The following UVSSA variants were observed in gnomAD, a reference collection of about 807,000 sequenced individuals.
UVSSA encodes UV-stimulated scaffold protein A.
Under a neutral mutation model 73.9 loss-of-function variants are expected in UVSSA, and 72 were observed. The ratio of observed to expected loss-of-function variants is 0.97; its 90% CI spans 0.81 to 1.19. The LOEUF (loss-of-function observed/expected upper bound fraction) is 1.19, where lower values mean the gene tolerates loss of function less well. UVSSA is among the 50% of genes most tolerant of loss of function. The probability of loss-of-function intolerance (pLI) is 0.00; values close to 1 mark genes in which losing one functional copy is unlikely to be tolerated. For missense variants in UVSSA, 1,150 were observed against 965.0 expected (o/e 1.19, Z -2.54); for synonymous variants, 454 against 391.3 (o/e 1.16, Z -1.89).
exon 14 of UVSSA, chr4:1,395,820 T>C (rs890772672): frequency 6.2e-7 from 1 of 1,613,884 alleles, no homozygotes; most frequent in Non-Finnish European, 8.5e-7. Flanking sequence ...CAAGGATCCC[T>C]TTTATATTTC....
In UVSSA at chr4:1,387,978, A is replaced by G. The variant is rs1720268245; in HGVS notation, c.*2017A>G. ...AAAAAAAGCAGCTGAGATTTTTGAT[A>G]GGAATTACATTAAATCTAGAGATTG... On this transcript the variant is annotated 3_prime_UTR_variant, in exon 14 of 14. Coordinates refer to ENST00000389851, the MANE Select transcript of UVSSA (RefSeq NM_020894.4). 6.6e-6 allele frequency: 1 copy of G among 150,578 alleles called. No homozygotes were observed. 9.3% of individuals were successfully genotyped at this position (150,578 alleles called of 1,614,324 possible).
intron 7 of UVSSA, among the ~76,000 whole-genome samples, chr4:1,360,561 G>A (rs973377043): frequency 2.0e-5 from 3 of 152,180 alleles, no homozygotes; most frequent in Non-Finnish European, 4.4e-5. Context: ...TGCTATGGCC[G>A]CGCCCAGAGG....
rs372865970 is a variant in UVSSA at position 1,377,598 on chromosome 4, G to A, written c.1568+1430G>A. Among the ~76,000 whole-genome samples, 554 of 152,270 alleles carry A rather than the reference G, an allele frequency of 3.6e-3. 3 individuals are homozygous for A. The highest frequency in any genetic ancestry group is 0.011 in the African/African-American group (440 of 41,566). ...CCCAGCAAAGCTCCCACCGAGAAGC[G>A]GATGCCCGTCCCTCCTCCCACCTGC... On this transcript the variant is annotated intron_variant, in intron 10 of 13. Coordinates refer to ENST00000389851, the MANE Select transcript of UVSSA (RefSeq NM_020894.4).
At chr4:1,394,181 C>T (rs772867389) in exon 14 of UVSSA, 22 of 468,432 alleles carry the variant, frequency 4.7e-5, no homozygotes, top group Non-Finnish European at 7.3e-5. Context: ...CAGCTCTGTG[C>T]CTGTGTGGGC....
intron 8 of UVSSA, among the ~76,000 whole-genome samples, chr4:1,369,253 C>T (rs1245087564): frequency 2.0e-5 from 3 of 152,210 alleles, no homozygotes; most frequent in Non-Finnish European, 2.9e-5. Flanking sequence ...CAGCCCCAGG[C>T]GAGGGCTGGA....
intron 7 of UVSSA, among the ~76,000 whole-genome samples, chr4:1,364,698 A>G (rs1228257956): frequency 6.6e-6 from 1 of 152,104 alleles, no homozygotes; most frequent in Non-Finnish European, 1.5e-5. Context: ...CTGTGGGAAC[A>G]GGAATGCAGG....
At position 1,364,658 on chromosome 4, in the gene UVSSA, C is replaced by T. The variant is rs1486062170; in HGVS notation, c.1177-1662C>T. 2.0e-5 allele frequency among the ~76,000 whole-genome samples: 3 copies of T among 152,292 alleles called. No homozygotes were observed. In the East Asian group the frequency reaches 5.8e-4, roughly 29 times the overall value. On this transcript the variant is annotated intron_variant, in intron 7 of 13. Transcript: ENST00000389851. The stretch of plus-strand genomic sequence containing the variant: ...TGCTTGGTATTCCTCCAACAGGGAT[C>T]TCTCTCCCGGGAAGTTTCCCTCAGC...
exon 14 of UVSSA, chr4:1,394,321 G>A: frequency 9.6e-7 from 1 of 1,037,876 alleles, no homozygotes; most frequent in Non-Finnish European, 1.4e-6. Flanking sequence ...TAAGTTTTGT[G>A]TTCTACTTAG....
chr4:1,383,224 G>GC (rs1719708460), intron 12 of UVSSA, among the ~76,000 whole-genome samples: 1 of 152,228 alleles, frequency 6.6e-6, no homozygotes, highest in Non-Finnish European at 1.5e-5. Context: ...GAGGCCTGAG[G>GC]CCAGGTCATC....
rs374486122 is a variant in UVSSA at position 1,349,742 on chromosome 4, C to A, written c.317C>A (p.Ala106Glu). ...AQPLPPPREA[A>E]QRLRQATTRA... ...CCTCTGCCGCCCCCCAGGGAGGCGG[C>A]ACAGAGGCTGAGGCAGGCGACCACC... is the stretch of plus-strand genomic sequence containing the variant. The change falls in exon 3 of 14, where the codon GCA becomes GAA. Residue 106 changes from alanine to glutamate, a missense_variant. By Grantham distance (107) the Ala-to-Glu change is moderately radical. Coordinates refer to ENST00000389851, the MANE Select transcript of UVSSA (RefSeq NM_020894.4). 7.4e-6 allele frequency: 12 copies of A among 1,612,830 alleles called. No individual in the cohort carries two copies. The highest frequency in any genetic ancestry group is 1.0e-5 in the Non-Finnish European group (12 of 1,179,446).
At chr4:1,354,670 C>T in intron 5 of UVSSA, 65 bp from the exon 6 acceptor site, 4 of 1,464,346 alleles carry the variant, frequency 2.7e-6, no homozygotes, top group Middle Eastern at 1.8e-4. Flanking sequence ...CATGGTCTGC[C>T]TCTCCGGGGC....
At chr4:1,368,248 C>T (rs1342088266) in intron 8 of UVSSA, among the ~76,000 whole-genome samples, 5 of 152,256 alleles carry the variant, frequency 3.3e-5, no homozygotes, top group African/African-American at 1.2e-4. Flanking sequence ...GGCCTCTGCA[C>T]AGGCCTGTTA....
In UVSSA at chr4:1,380,108, G is replaced by A. The variant is rs200658998; in HGVS notation, c.1630G>A (p.Asp544Asn). 31 of 1,612,584 alleles carry A rather than the reference G, an allele frequency of 1.9e-5. No homozygotes were observed. The African/African-American group carries it at 2.8e-4, about 15-fold the overall frequency. Residue 544 changes from aspartate to asparagine, a missense_variant, in exon 11 of 14, where the codon GAC becomes AAC. Physicochemically the swap from Asp to Asn is conservative, Grantham distance 23. Transcript: ENST00000389851. ...SEVEEEVVNA[D>N]ISEMLRSRHI... ...GGTGGAGGAGGAAGTGGTCAATGCC[G>A]ACATCTCCGAGATGCTCCGGAGCCG...
intron 3 of UVSSA, among the ~76,000 whole-genome samples, chr4:1,351,122 G>C (rs1046554117): frequency 6.6e-6 from 1 of 152,050 alleles, no homozygotes; most frequent in Non-Finnish European, 1.5e-5. Flanking sequence ...TTGGAGTGCA[G>C]TGGTGCGATC....
intron 7 of UVSSA, 48 bp from the exon 8 acceptor site, chr4:1,366,272 C>A: frequency 6.9e-7 from 1 of 1,448,364 alleles, no homozygotes; most frequent in South Asian, 1.3e-5. Context: ...GAGCTGTGTT[C>A]ATACACAGGG....
At chr4:1,377,252 C>T (rs1011313109) in intron 10 of UVSSA, among the ~76,000 whole-genome samples, 1 of 152,164 alleles carries the variant, frequency 6.6e-6, no homozygotes, top group African/African-American at 2.4e-5. Context: ...CCCCGAGTGC[C>T]GGGACGTCCT....
At chr4:1,368,089 C>T (rs555776285) in intron 8 of UVSSA, among the ~76,000 whole-genome samples, 5 of 152,340 alleles carry the variant, frequency 3.3e-5, no homozygotes, top group Admixed American at 6.5e-5. Context: ...GTGCTGCAGC[C>T]GGGGCCTAGG....
At chr4:1,346,658 C>T (rs1713726723), upstream of UVSSA, among the ~76,000 whole-genome samples, 1 of 152,042 alleles carries the variant, frequency 6.6e-6, no homozygotes, top group Non-Finnish European at 1.5e-5. Flanking sequence ...GCGCCCTGCG[C>T]GGGGCGAGCT....
chr4:1,389,362 A>T (rs1720348629), downstream of UVSSA: 1 of 151,610 alleles, frequency 6.6e-6, no homozygotes, highest in Non-Finnish European at 1.5e-5. Flanking sequence ...CATTCAGCTA[A>T]TTTTCTGTCT....
Sources: allele counts gnomAD v4.1 joint callset (sites outside exome capture counted in the v4.1 genomes callset), GRCh38; gene constraint gnomAD v4.1.1; transcripts MANE v1.5; gene names NCBI Gene and HGNC (gene_info 2026-07-23, HGNC 2026-07-21).